The following MAGI2 variants were observed in gnomAD, a reference collection of about 807,000 sequenced individuals.
MAGI2 encodes the protein membrane associated guanylate kinase, WW and PDZ domain containing 2, also known as membrane-associated guanylate kinase, WW and PDZ domain-containing protein 2.
MAGI2 carries 35 observed loss-of-function variants against 133.3 expected under a neutral mutation model. That is an observed-to-expected ratio of 0.26 (90% CI 0.20 to 0.35). MAGI2 has a LOEUF of 0.35. MAGI2 is among the 10% of genes least tolerant of loss of function. The probability of loss-of-function intolerance (pLI) is 1.00; values close to 1 mark genes in which losing one functional copy is unlikely to be tolerated. For missense variants in MAGI2, 1,636 were observed against 1,863.4 expected, an observed-to-expected ratio of 0.88 and a Z score of 2.25; for synonymous variants, 729 against 710.6, an observed-to-expected ratio of 1.03 and a Z score of -0.41.
At position 78,276,487 on chromosome 7, in the gene MAGI2, G is replaced by A. The variant is rs551149536; in HGVS notation, c.1409-19906C>T. Among the ~76,000 whole-genome samples, 58 of 152,076 alleles carry A rather than the reference G, an allele frequency of 3.8e-4. 1 individual carries two copies. The East Asian group carries it at 0.01, about 27-fold the overall frequency. ...TATTTTTTTTTTCCCCAAAGGCAAA[G>A]GGAATACTAACATAAACTTCAGTGT... On this transcript the variant is annotated intron_variant, in intron 9 of 21. Transcript: ENST00000354212.
chr7:79,100,079 A>C (rs1329505620), intron 1 of MAGI2, among the ~76,000 whole-genome samples: 1 of 152,072 alleles, frequency 6.6e-6, no homozygotes, highest in Non-Finnish European at 1.5e-5. Flanking sequence ...CATCACTTTG[A>C]ATGACTGCAT....
chr7:78,351,610 C>T (rs1791521953), intron 7 of MAGI2: 1 of 151,908 alleles, frequency 6.6e-6, no homozygotes, highest in Admixed American at 6.6e-5. Context: ...CTTGGAATCC[C>T]TAGGCTTTCT....
At chr7:78,291,655 C>T (rs1257757745) in intron 9 of MAGI2, among the ~76,000 whole-genome samples, 2 of 152,156 alleles carry the variant, frequency 1.3e-5, no homozygotes, top group Non-Finnish European at 2.9e-5. Flanking sequence ...ACCAATATCC[C>T]TGATGAACAT....
intron 6 of MAGI2, among the ~76,000 whole-genome samples, chr7:78,383,151 G>A (rs1162163676): frequency 1.3e-5 from 2 of 151,942 alleles, no homozygotes; most frequent in African/African-American, 2.4e-5. Context: ...TGAATTAAAC[G>A]GTGATTCTAT....
intron 1 of MAGI2, among the ~76,000 whole-genome samples, chr7:79,347,924 T>C (rs1185438741): frequency 1.3e-5 from 2 of 151,940 alleles, no homozygotes; most frequent in African/African-American, 4.8e-5. Context: ...TACCAGTTAG[T>C]ATCACGTATA....
At chr7:79,146,324 T>C (rs919646620) in intron 1 of MAGI2, among the ~76,000 whole-genome samples, 2 of 152,234 alleles carry the variant, frequency 1.3e-5, no homozygotes, top group South Asian at 2.1e-4. Flanking sequence ...TGTCTCTTGC[T>C]GTTCTCACGA....
chr7:79,263,434 G>A (rs534856325), intron 1 of MAGI2, among the ~76,000 whole-genome samples: 1 of 151,998 alleles, frequency 6.6e-6, no homozygotes, highest in Non-Finnish European at 1.5e-5. Flanking sequence ...CTGACACCAG[G>A]ACCAGAGCTA....
chr7:78,889,134 G>A (rs930395725), intron 2 of MAGI2, among the ~76,000 whole-genome samples: 2 of 152,026 alleles, frequency 1.3e-5, no homozygotes, highest in Admixed American at 6.6e-5. Context: ...TATCAGTGGT[G>A]GAAGATCAAA....
At position 79,427,511 on chromosome 7, in the gene MAGI2, G is replaced by C. The variant is rs188784282; in HGVS notation, c.301+25509C>G. On this transcript the variant is annotated intron_variant, in intron 1 of 21. Coordinates refer to ENST00000354212, the MANE Select transcript of MAGI2 (RefSeq NM_012301.4). ...ATCACTTCTAATAGAGCAATCAAGG[G>C]ATGATATGAGAAGGAGATGGCATTA... 1.5e-3 allele frequency among the ~76,000 whole-genome samples: 222 copies of C among 152,212 alleles called. 2 individuals are homozygous for C. Among genetic ancestry groups the C allele is most frequent in the African/African-American group, 5.1e-3 (213 of 41,540 alleles).
chr7:79,227,140 T>C (rs1183028255), intron 1 of MAGI2, among the ~76,000 whole-genome samples: 1 of 152,156 alleles, frequency 6.6e-6, no homozygotes, highest in Admixed American at 6.6e-5. Context: ...TGGCAATAAA[T>C]AGTATGAGTG....
At chr7:79,449,608 G>T (rs1388671269) in intron 1 of MAGI2, among the ~76,000 whole-genome samples, 1 of 151,672 alleles carries the variant, frequency 6.6e-6, no homozygotes, top group East Asian at 1.9e-4. Context: ...TCTTCAACTG[G>T]GTCTGATGCA....
chr7:78,791,004 G>C (rs1413287125), intron 2 of MAGI2, among the ~76,000 whole-genome samples: 3 of 152,120 alleles, frequency 2.0e-5, no homozygotes. Flanking sequence ...AAAACAAGAA[G>C]ATTAAATGAA....
chr7:79,391,006 G>A (rs1250055457), intron 1 of MAGI2, among the ~76,000 whole-genome samples: 1 of 152,088 alleles, frequency 6.6e-6, no homozygotes, highest in African/African-American at 2.4e-5. Flanking sequence ...CTGAGAGTGA[G>A]GAAAGCGTGG....
At chr7:79,380,078 T>C (rs1016307362) in intron 1 of MAGI2, among the ~76,000 whole-genome samples, 5 of 151,778 alleles carry the variant, frequency 3.3e-5, no homozygotes, top group Non-Finnish European at 7.4e-5. Flanking sequence ...ATTCAGGACA[T>C]AGGCATGGGC....
chr7:79,340,826 A>C (rs1840839065), intron 1 of MAGI2, among the ~76,000 whole-genome samples: 1 of 151,778 alleles, frequency 6.6e-6, no homozygotes, highest in African/African-American at 2.4e-5. Flanking sequence ...TCTATCTTAA[A>C]CTCTGATACA....
intron 6 of MAGI2, among the ~76,000 whole-genome samples, chr7:78,483,222 T>A (rs116830585): frequency 2.6e-5 from 4 of 151,924 alleles, no homozygotes; most frequent in African/African-American, 7.2e-5. Context: ...AAAGCCATAT[T>A]TGAAAAATTT....
chr7:79,138,872 G>T (rs757834986), intron 1 of MAGI2, among the ~76,000 whole-genome samples: 3 of 151,290 alleles, frequency 2.0e-5, no homozygotes, highest in Admixed American at 6.6e-5. Flanking sequence ...CGGGTGTGGT[G>T]GTTGGCCCCT....
chr7:78,451,449 T>C (rs957236769), intron 6 of MAGI2, among the ~76,000 whole-genome samples: 4 of 152,076 alleles, frequency 2.6e-5, no homozygotes, highest in Admixed American at 6.6e-5. Flanking sequence ...GATGGGGAGA[T>C]TGAGCATAGA....
At chr7:78,512,744 C>A (rs1019450622) in intron 4 of MAGI2, among the ~76,000 whole-genome samples, 4 of 152,142 alleles carry the variant, frequency 2.6e-5, no homozygotes. Context: ...ACTGAGAATG[C>A]ATATTTCGTG....
Sources: gnomAD v4.1 joint callset for allele counts (sites outside exome capture counted in the v4.1 genomes callset) on GRCh38, gnomAD v4.1.1 for gene constraint, MANE v1.5 for transcripts, NCBI Gene and HGNC (gene_info 2026-07-23, HGNC 2026-07-21) for gene names.